Variants in PABPC1L observed in about 807,000 individuals in gnomAD.
The protein encoded by PABPC1L is polyadenylate-binding protein 1-like.
A neutral mutation model predicts 66.6 loss-of-function variants in PABPC1L; 31 were observed. The ratio of observed to expected loss-of-function variants is 0.47; its 90% CI spans 0.35 to 0.63. PABPC1L has a LOEUF of 0.63. Ranked by LOEUF, PABPC1L falls within the 20% of genes least tolerant of loss-of-function variation. The probability of loss-of-function intolerance (pLI) is 0.00; values close to 1 mark genes in which losing one functional copy is unlikely to be tolerated. For missense variants in PABPC1L, 722 were observed against 848.8 expected (o/e 0.85, Z 1.86); for synonymous variants, 348 against 335.1 (o/e 1.04, Z -0.42).
At chr20:44,913,912 A>G (rs2066721035) in intron 2 of PABPC1L, among the ~76,000 whole-genome samples, 1 of 152,228 alleles carries the variant, frequency 6.6e-6, no homozygotes, top group African/African-American at 2.4e-5. Context: ...TCATTATTGT[A>G]TCCCAATACT....
chr20:44,928,294 A>G lies in PABPC1L; in HGVS notation c.973-2166A>G, dbSNP rs1186989855. 4.6e-5 allele frequency among the ~76,000 whole-genome samples: 7 copies of G among 152,224 alleles called. No homozygotes were observed. The East Asian group carries it at 1.2e-3, about 25-fold the overall frequency. On this transcript the variant is annotated intron_variant, in intron 7 of 14. Transcript: ENST00000217073. ...CACCATGTTGGCCAGGCTGGTCTCG[A>G]ACTCCTGACCTCAGGTGATCTGCCC...
chr20:44,924,857 C>T (rs2066797818), intron 7 of PABPC1L, among the ~76,000 whole-genome samples: 1 of 152,078 alleles, frequency 6.6e-6, no homozygotes, highest in African/African-American at 2.4e-5. Flanking sequence ...AATACACACA[C>T]CTCAGTCAGG....
rs139457045 is a variant in PABPC1L at position 44,924,326 on chromosome 20, C to T, written c.972+70C>T. On this transcript the variant is annotated intron_variant, in intron 7 of 14. Transcript: ENST00000217073. The stretch of plus-strand genomic sequence containing the variant: ...CTCTCACCACCATCCCCCCACAACC[C>T]CACCCCTCCACCCTCTCGCCCAGCA... The T allele has an allele frequency of 1.9e-4, 229 of 1,195,414 alleles. No homozygotes were observed. The African/African-American group carries it at 2.7e-3, about 14-fold the overall frequency. 74.1% of individuals were successfully genotyped at this position (1,195,414 alleles called of 1,614,324 possible).
Position 44,910,485 on chromosome 20 carries a change from C to T in PABPC1L, c.193+149C>T, listed in dbSNP as rs2066696848. 2.4e-5 allele frequency: 22 copies of T among 909,276 alleles called. No homozygotes were observed. The South Asian group carries it at 3.8e-4, about 16-fold the overall frequency. The allele number at this position is 909,276 out of a possible 1,614,324, so 56.3% of individuals were successfully genotyped here. ...AAGATAACAGGGCGTTGGCAGAGGC[C>T]TGGCCCCTGAGACGGGAATTGGTAA... is the stretch of plus-strand genomic sequence containing the variant. On this transcript the variant is annotated intron_variant, in intron 1 of 14. Coordinates refer to ENST00000217073, the MANE Select transcript of PABPC1L (RefSeq NM_001372179.1).
rs529063930 is a variant in PABPC1L, at chr20:44,930,827, C to T, written c.1239+101C>T. The T allele has an allele frequency of 3.1e-5, 45 of 1,470,880 alleles. No individual in the cohort carries two copies. In the East Asian group the frequency reaches 1.0e-3, roughly 33 times the overall value. 91.1% of individuals were successfully genotyped at this position (1,470,880 alleles called of 1,614,324 possible). A position where few individuals can be genotyped will look rare whatever the true frequency, so the allele number is the denominator to read the frequency against. ...TAGGGAAATGGAGGTTTCTAACTTG[C>T]TTCTGCCGAGGACTCATTAGGAAGT... On this transcript the variant is annotated intron_variant, in intron 8 of 14. Coordinates refer to ENST00000217073, the MANE Select transcript of PABPC1L (RefSeq NM_001372179.1).
At chr20:44,916,728 C>T (rs1486969490) in intron 2 of PABPC1L, 28 bp from the exon 3 acceptor site, 3 of 1,606,534 alleles carry the variant, frequency 1.9e-6, no homozygotes, top group South Asian at 1.1e-5. Flanking sequence ...TGTCAGTACT[C>T]TTCCTGTCCT....
chr20:44,935,894 C>A (rs1339460741), intron 11 of PABPC1L, among the ~76,000 whole-genome samples: 1 of 152,152 alleles, frequency 6.6e-6, no homozygotes, highest in Non-Finnish European at 1.5e-5. Context: ...ATTATCATAT[C>A]CTGTGTAGAA....
At chr20:44,934,288 C>G (rs2066884165) in intron 10 of PABPC1L, among the ~76,000 whole-genome samples, 1 of 152,116 alleles carries the variant, frequency 6.6e-6, no homozygotes, top group Admixed American at 6.5e-5. Flanking sequence ...GCTGCCAGGC[C>G]CTGACACCCC....
intron 10 of PABPC1L, among the ~76,000 whole-genome samples, chr20:44,934,354 A>G (rs147005877): frequency 6.6e-6 from 1 of 152,190 alleles, no homozygotes; most frequent in East Asian, 1.9e-4. Context: ...CCACTTAACT[A>G]TTTTTCAGTG....
At chr20:44,915,692 G>A (rs994988640) in intron 2 of PABPC1L, among the ~76,000 whole-genome samples, 4 of 151,784 alleles carry the variant, frequency 2.6e-5, no homozygotes, top group South Asian at 2.1e-4. Flanking sequence ...TCAGCTACTC[G>A]GGAGTCTGAG....
At chr20:44,936,335 G>C (rs954858914) in intron 11 of PABPC1L, among the ~76,000 whole-genome samples, 6 of 152,142 alleles carry the variant, frequency 3.9e-5, no homozygotes, top group African/African-American at 1.4e-4. Flanking sequence ...AAATCTACTT[G>C]ATAAAAAGTG....
chr20:44,922,464 C>T (rs2066780722), intron 6 of PABPC1L, among the ~76,000 whole-genome samples: 1 of 152,268 alleles, frequency 6.6e-6, no homozygotes, highest in South Asian at 2.1e-4. Flanking sequence ...TCTTGAACTC[C>T]TGACCTTGTG....
intron 5 of PABPC1L, among the ~76,000 whole-genome samples, chr20:44,921,393 C>G (rs554287438): frequency 1.3e-4 from 20 of 152,302 alleles, no homozygotes; most frequent in Admixed American, 5.9e-4. Flanking sequence ...GATGATCCGT[C>G]CCCCTCGGCC....
chr20:44,923,307 G>T (rs1488851932), intron 6 of PABPC1L, among the ~76,000 whole-genome samples: 1 of 152,060 alleles, frequency 6.6e-6, no homozygotes, highest in Non-Finnish European at 1.5e-5. Context: ...TTTTCTTCAC[G>T]CAGGGTTGTT....
intron 10 of PABPC1L, 123 bp downstream of exon 10, chr20:44,933,308 G>A: frequency 1.3e-6 from 1 of 772,416 alleles, no homozygotes. Flanking sequence ...TTTGGAGACT[G>A]TAGCGTGGTA....
chr20:44,935,533 C>T (rs1271502647), intron 11 of PABPC1L, 36 bp downstream of exon 11: 1 of 1,576,868 alleles, frequency 6.3e-7, no homozygotes, highest in African/African-American at 1.3e-5. Context: ...TTAGCCTGGG[C>T]TCCTGGCCGC....
chr20:44,926,058 T>C (rs893496101), intron 7 of PABPC1L, among the ~76,000 whole-genome samples: 4 of 152,166 alleles, frequency 2.6e-5, no homozygotes, highest in African/African-American at 7.2e-5. Flanking sequence ...GAAATAGTGA[T>C]TGTCGTAATG....
intron 3 of PABPC1L, among the ~76,000 whole-genome samples, chr20:44,918,359 T>G (rs2145559612): frequency 6.6e-6 from 1 of 152,274 alleles, no homozygotes; most frequent in South Asian, 2.1e-4. Context: ...ATAAAATTAA[T>G]CTTGTATTTA....
chr20:44,916,907 C>T (rs1186631241), intron 3 of PABPC1L, 36 bp downstream of exon 3: 2 of 1,587,570 alleles, frequency 1.3e-6, no homozygotes, highest in Non-Finnish European at 1.7e-6. Flanking sequence ...GCGGAGGCTG[C>T]AGGGACAGAA....
Sources: gnomAD v4.1 joint callset for allele counts (sites outside exome capture counted in the v4.1 genomes callset) on GRCh38, gnomAD v4.1.1 for gene constraint, MANE v1.5 for transcripts, NCBI Gene and HGNC (gene_info 2026-07-23, HGNC 2026-07-21) for gene names.